The following CYP4Z1 variants were observed in gnomAD, a reference collection of about 807,000 sequenced individuals.
CYP4Z1 encodes the protein cytochrome P450 4Z1.
Under a neutral mutation model 54.2 loss-of-function variants are expected in CYP4Z1, and 41 were observed. The ratio of observed to expected loss-of-function variants is 0.76; its 90% CI spans 0.59 to 0.98. The LOEUF (loss-of-function observed/expected upper bound fraction) is 0.98, where lower values mean the gene tolerates loss of function less well. CYP4Z1 is among the 50% of genes least tolerant of loss of function. CYP4Z1 has a pLI of 0.00. For missense variants in CYP4Z1, 513 were observed against 599.0 expected (o/e 0.86, Z 1.50); for synonymous variants, 163 against 206.2 (o/e 0.79, Z 1.79).
In CYP4Z1 at chr1:47,085,708, T is replaced by C. The variant is rs1340816722; in HGVS notation, c.772+730T>C. Among the ~76,000 whole-genome samples the C allele has an allele frequency of 2.0e-5, 3 of 152,158 alleles. No individual in the cohort carries two copies. In the East Asian group the frequency reaches 5.8e-4, roughly 29 times the overall value. ...CTTTTTCTTTTCCTTTTTTTTATTA[T>C]TATACTTTAAGTTCTAGGATACATG... On this transcript the variant is annotated intron_variant, in intron 6 of 11. Coordinates refer to ENST00000334194, the MANE Select transcript of CYP4Z1 (RefSeq NM_178134.3).
intron 8 of CYP4Z1, among the ~76,000 whole-genome samples, chr1:47,100,048 T>G (rs1239177909): frequency 2.6e-5 from 4 of 152,020 alleles, no homozygotes; most frequent in African/African-American, 9.7e-5. Flanking sequence ...TTGTTTTTGT[T>G]TATAGTTTGT....
intron 8 of CYP4Z1, among the ~76,000 whole-genome samples, chr1:47,102,800 T>C (rs1354727193): frequency 6.6e-6 from 1 of 152,212 alleles, no homozygotes; most frequent in Non-Finnish European, 1.5e-5. Flanking sequence ...TAATACGCTG[T>C]AGAGAAGACC....
chr1:47,063,080 C>G (rs535763860), upstream of CYP4Z1, among the ~76,000 whole-genome samples: 2 of 152,316 alleles, frequency 1.3e-5, no homozygotes, highest in South Asian at 4.1e-4. Context: ...CAGACACTCC[C>G]CAGTAGCAGC....
In CYP4Z1 at chr1:47,108,215, C is replaced by T. The variant is rs1644770158; in HGVS notation, c.1201+1954C>T. Among the ~76,000 whole-genome samples the T allele has an allele frequency of 2.6e-5, 4 of 152,132 alleles. No individual in the cohort carries two copies. In the South Asian group the frequency reaches 8.3e-4, roughly 32 times the overall value. The stretch of plus-strand genomic sequence containing the variant: ...CTGTTACCCTGCTTTCCTTCCTGCC[C>T]CTCTCATACACACAGGCACTCCACA... On this transcript the variant is annotated intron_variant, in intron 9 of 11. Transcript: ENST00000334194.
At chr1:47,055,898 G>GT in the CYP4Z1 span, among the ~76,000 whole-genome samples, 1 of 151,406 alleles carries the variant, frequency 6.6e-6, no homozygotes, top group Admixed American at 6.6e-5. Context: ...TTTTTGAAGG[G>GT]TTTTTTATGT....
At chr1:47,056,958 CATT>C in the CYP4Z1 span, among the ~76,000 whole-genome samples, 1 of 151,978 alleles carries the variant, frequency 6.6e-6, no homozygotes, top group South Asian at 2.1e-4. Context: ...TTGATCCTGT[CATT>C]ATGATGTTAG....
At chr1:47,057,961 C>T in the CYP4Z1 span, among the ~76,000 whole-genome samples, 1 of 151,978 alleles carries the variant, frequency 6.6e-6, no homozygotes, top group African/African-American at 2.4e-5. Flanking sequence ...TCTTAGGAGG[C>T]AGTTCAACTA....
chr1:47,100,682 ATTAG>A (rs1051295847), intron 8 of CYP4Z1, among the ~76,000 whole-genome samples: 3 of 152,184 alleles, frequency 2.0e-5, no homozygotes, highest in South Asian at 2.1e-4. Flanking sequence ...CTATTTTATT[ATTAG>A]TTATTGTTAT....
At chr1:47,089,028 C>T (rs970003234) in intron 6 of CYP4Z1, among the ~76,000 whole-genome samples, 2 of 149,672 alleles carry the variant, frequency 1.3e-5, no homozygotes, top group East Asian at 2.0e-4. Flanking sequence ...AATGTAATCA[C>T]TAGAATATTT....
chr1:47,091,828 T>C (rs1183409529), intron 6 of CYP4Z1, among the ~76,000 whole-genome samples: 1 of 149,628 alleles, frequency 6.7e-6, no homozygotes, highest in Non-Finnish European at 1.5e-5. Context: ...TAACTGCAAC[T>C]AAGGTTGAGA....
At chr1:47,103,480 A>G (rs538027979) in intron 8 of CYP4Z1, among the ~76,000 whole-genome samples, 1 of 150,562 alleles carries the variant, frequency 6.6e-6, no homozygotes, top group South Asian at 2.1e-4. Flanking sequence ...TTTCTATGAT[A>G]TCTATCTCTT....
intron 7 of CYP4Z1, among the ~76,000 whole-genome samples, chr1:47,098,840 T>C (rs1644699162): frequency 6.6e-6 from 1 of 152,230 alleles, no homozygotes; most frequent in South Asian, 2.1e-4. Context: ...GTAAAATTAA[T>C]AAATCATAAA....
intron 2 of CYP4Z1, among the ~76,000 whole-genome samples, chr1:47,080,175 T>C (rs1644552971): frequency 7.9e-6 from 1 of 126,640 alleles, no homozygotes; most frequent in Admixed American, 8.0e-5. Context: ...TTCATTTATA[T>C]ACATCTTTCT....
chr1:47,059,075 A>C, the CYP4Z1 span, among the ~76,000 whole-genome samples: 1 of 152,206 alleles, frequency 6.6e-6, no homozygotes, highest in Non-Finnish European at 1.5e-5. Context: ...TTACAAATTA[A>C]TCTAAACTTT....
chr1:47,108,978 A>C (rs12734327), intron 9 of CYP4Z1, among the ~76,000 whole-genome samples: 65,053 of 151,550 alleles, frequency 0.43, 15,339 homozygotes, highest in East Asian at 0.96. Context: ...CAATCTTCAA[A>C]TGCCAGAGTC....
At chr1:47,096,364 C>T (rs891699947) in intron 7 of CYP4Z1, among the ~76,000 whole-genome samples, 72 of 152,324 alleles carry the variant, frequency 4.7e-4, no homozygotes, top group African/African-American at 1.7e-3. Flanking sequence ...AATCATGCCA[C>T]TGCACTCCAG....
intron 7 of CYP4Z1, among the ~76,000 whole-genome samples, chr1:47,095,536 CAT>C (rs1326443664): frequency 6.6e-6 from 1 of 152,144 alleles, no homozygotes; most frequent in Non-Finnish European, 1.5e-5. Context: ...AAGATACTGA[CAT>C]GTGGTGAGAA....
At chr1:47,093,609 C>G (rs1420791077) in intron 6 of CYP4Z1, among the ~76,000 whole-genome samples, 1 of 152,106 alleles carries the variant, frequency 6.6e-6, no homozygotes, top group Admixed American at 6.6e-5. Context: ...AATCCCCTTA[C>G]TAAGTACCAT....
chr1:47,100,593 T>G (rs1365334705), intron 8 of CYP4Z1, among the ~76,000 whole-genome samples: 1 of 152,188 alleles, frequency 6.6e-6, no homozygotes, highest in Admixed American at 6.5e-5. Flanking sequence ...AGTGCTTGTG[T>G]TCAAGTAACT....
Sources: gnomAD v4.1 joint callset for allele counts (sites outside exome capture counted in the v4.1 genomes callset) on GRCh38, gnomAD v4.1.1 for gene constraint, MANE v1.5 for transcripts, NCBI Gene and HGNC (gene_info 2026-07-23, HGNC 2026-07-21) for gene names.